NBEA: variants seen among roughly 807,000 people sequenced by gnomAD.
The protein encoded by NBEA is neurobeachin, also known as lysosomal-trafficking regulator 2.
In NBEA, 44 loss-of-function variants were observed where a neutral mutation model predicts 343.4. The ratio of observed to expected loss-of-function variants is 0.13; its 90% CI spans 0.10 to 0.16. The LOEUF (loss-of-function observed/expected upper bound fraction) is 0.16. NBEA is among the 10% of genes least tolerant of loss of function. The pLI is 1.00. For missense variants in NBEA, 2,555 were observed against 3,631.3 expected (o/e 0.70, Z 7.62); for synonymous variants, 1,175 against 1,238.7 (o/e 0.95, Z 1.08).
At chr13:35,511,366 A>G (rs2077268843) in intron 41 of NBEA, among the ~76,000 whole-genome samples, 1 of 152,196 alleles carries the variant, frequency 6.6e-6, no homozygotes, top group Non-Finnish European at 1.5e-5. Flanking sequence ...TTATCAATAT[A>G]TAACAGTATG....
At chr13:35,039,552 T>G (rs890793387) in intron 1 of NBEA, among the ~76,000 whole-genome samples, 1 of 152,198 alleles carries the variant, frequency 6.6e-6, no homozygotes, top group Non-Finnish European at 1.5e-5. Context: ...TTACCCATTT[T>G]GTAACATTCT....
chr13:34,983,428 G>C (rs540555027), intron 1 of NBEA, among the ~76,000 whole-genome samples: 1 of 152,130 alleles, frequency 6.6e-6, no homozygotes, highest in Non-Finnish European at 1.5e-5. Context: ...TATCATTGAT[G>C]GACATTTGGG....
intron 16 of NBEA, 74 bp downstream of exon 16, chr13:35,118,548 C>A: frequency 1.8e-6 from 2 of 1,092,240 alleles, no homozygotes; most frequent in South Asian, 1.6e-5. Flanking sequence ...AACTGCTATT[C>A]TATGAATATT....
chr13:35,594,946 A>AC (rs2081703575), intron 47 of NBEA, among the ~76,000 whole-genome samples: 1 of 118,852 alleles, frequency 8.4e-6, no homozygotes, highest in Non-Finnish European at 1.7e-5. Context: ...GTTTGACATC[A>AC]TCACACACAC....
At chr13:35,655,069 C>A in intron 54 of NBEA, 59 bp downstream of exon 54, 1 of 1,298,402 alleles carries the variant, frequency 7.7e-7, no homozygotes, top group African/African-American at 1.5e-5. Flanking sequence ...AAAACCAAAG[C>A]TGAATATGAA....
At chr13:35,178,568 T>C (rs951830711) in intron 28 of NBEA, among the ~76,000 whole-genome samples, 1 of 151,708 alleles carries the variant, frequency 6.6e-6, no homozygotes, top group African/African-American at 2.4e-5. Flanking sequence ...TGTACATACA[T>C]ACGTGCATCT....
At chr13:35,558,210 G>A (rs1334271836) in intron 44 of NBEA, among the ~76,000 whole-genome samples, 4 of 152,046 alleles carry the variant, frequency 2.6e-5, no homozygotes, top group South Asian at 4.1e-4. Flanking sequence ...TGAAAAGATC[G>A]TAATATAGTG....
chr13:35,603,942 G>C (rs141511715), intron 47 of NBEA, among the ~76,000 whole-genome samples: 1 of 152,332 alleles, frequency 6.6e-6, no homozygotes, highest in East Asian at 1.9e-4. Flanking sequence ...AGTAAGAGCA[G>C]AAGAAACTAT....
chr13:35,590,711 C>T (rs1206576102), intron 46 of NBEA, among the ~76,000 whole-genome samples: 1 of 152,082 alleles, frequency 6.6e-6, no homozygotes, highest in African/African-American at 2.4e-5. Flanking sequence ...AGCCTGATCC[C>T]TCTAAATTAA....
chr13:34,992,262 A>AT (rs1261240105), intron 1 of NBEA, among the ~76,000 whole-genome samples: 5,625 of 114,178 alleles, frequency 0.049, 176 homozygotes, highest in South Asian at 0.086. Context: ...ATATATATAT[A>AT]TTTTTTTTTT....
At chr13:35,569,377 C>A (rs1272967588) in intron 45 of NBEA, among the ~76,000 whole-genome samples, 1 of 151,990 alleles carries the variant, frequency 6.6e-6, no homozygotes, top group Admixed American at 6.6e-5. Flanking sequence ...AATATATATA[C>A]GATAAAAATT....
At chr13:35,455,760 T>A (rs1489097492) in intron 40 of NBEA, among the ~76,000 whole-genome samples, 1 of 152,032 alleles carries the variant, frequency 6.6e-6, no homozygotes, top group Non-Finnish European at 1.5e-5. Context: ...GTAAAAATTA[T>A]TACCACCAAT....
rs553068499 is a variant in NBEA, at chr13:35,483,715, G to T, written c.6585+11179G>T. Among the ~76,000 whole-genome samples the T allele has an allele frequency of 1.1e-4, 16 of 151,758 alleles. No homozygotes were observed. The South Asian group carries it at 3.3e-3, about 32-fold the overall frequency. On this transcript the variant is annotated intron_variant, in intron 41 of 58. Transcript: ENST00000379939. ...GCTTTCTGTTTTGTATTTTTATTTT[G>T]CAGTTACAATAGAAATTTTAATGTT...
At chr13:35,669,485 A>G (rs1307517071) in intron 58 of NBEA, among the ~76,000 whole-genome samples, 1 of 152,226 alleles carries the variant, frequency 6.6e-6, no homozygotes, top group Non-Finnish European at 1.5e-5. Flanking sequence ...AAAACGCTGT[A>G]AGCTAATTTA....
intron 56 of NBEA, among the ~76,000 whole-genome samples, 177 bp downstream of exon 56, chr13:35,665,363 T>C (rs1330173079): frequency 3.9e-5 from 6 of 152,262 alleles, no homozygotes; most frequent in Non-Finnish European, 8.8e-5. Flanking sequence ...AAAATATGTA[T>C]AAAATTTTAT....
chr13:35,068,551 A>G (rs554979986), intron 8 of NBEA, among the ~76,000 whole-genome samples: 10 of 152,208 alleles, frequency 6.6e-5, no homozygotes, highest in African/African-American at 2.4e-4. Flanking sequence ...TCTAGTGATA[A>G]CACTACCCTC....
At chr13:35,246,703 G>A (rs899612414) in intron 34 of NBEA, among the ~76,000 whole-genome samples, 1 of 152,302 alleles carries the variant, frequency 6.6e-6, no homozygotes, top group Middle Eastern at 3.4e-3. Flanking sequence ...GGAGTGAAAT[G>A]TACTCTCTGA....
At chr13:35,652,636 A>G (rs1370128452) in intron 53 of NBEA, among the ~76,000 whole-genome samples, 5 of 133,128 alleles carry the variant, frequency 3.8e-5, no homozygotes, top group African/African-American at 5.5e-5. Flanking sequence ...GCGAGACTCC[A>G]TCTCAAAAAA....
chr13:35,657,367 T>C (rs2084863587), intron 55 of NBEA, among the ~76,000 whole-genome samples: 1 of 152,238 alleles, frequency 6.6e-6, no homozygotes, highest in Non-Finnish European at 1.5e-5. Flanking sequence ...AGGGAAAAGA[T>C]ATTCAATGTT....
Sources: allele counts gnomAD v4.1 joint callset (sites outside exome capture counted in the v4.1 genomes callset), GRCh38; gene constraint gnomAD v4.1.1; transcripts MANE v1.5; gene names NCBI Gene and HGNC (gene_info 2026-07-23, HGNC 2026-07-21).